The following SETX variants were observed in gnomAD, a reference collection of about 807,000 sequenced individuals.
SETX encodes the protein helicase senataxin.
In SETX, 90 loss-of-function variants were observed where a neutral mutation model predicts 227.2. That is an observed-to-expected ratio of 0.40 (90% CI 0.33 to 0.47). The LOEUF is 0.47. Among genes scored for constraint, SETX ranks in the 20% least tolerant of loss-of-function variants. SETX has a pLI of 0.91. For missense variants in SETX, 3,052 were observed against 3,181.5 expected, an observed-to-expected ratio of 0.96 and a Z score of 0.98; for synonymous variants, 1,210 against 1,113.2, an observed-to-expected ratio of 1.09 and a Z score of -1.73.
At position 132,328,166 on chromosome 9, in the gene SETX, T is replaced by G. The variant is rs560375167; in HGVS notation, c.3432A>C (p.Pro1144=). The G allele has an allele frequency of 2.1e-5, 34 of 1,614,104 alleles. No homozygotes were observed. The highest frequency in any genetic ancestry group is 2.8e-5 in the Non-Finnish European group (33 of 1,180,048). The change falls in exon 10 of 26, where the codon CCA becomes CCC. Residue 1144 remains proline, a synonymous_variant. Transcript: ENST00000224140. ...GAEGIEEHTR[P]RSISVEEFCE... ...AAAATTCTTCAACAGAAATACTCCG[T>G]GGTCTTGTGTGTTCTTCAATGCCCT...
In SETX at chr9:132,296,033, A is replaced by G. The variant is rs1564501306; in HGVS notation, c.5950-5T>C. The G allele has an allele frequency of 6.2e-7, 1 of 1,614,166 alleles. No individual in the cohort carries two copies. Among genetic ancestry groups the G allele is most frequent in the Non-Finnish European group, 8.5e-7 (1 of 1,180,034 alleles). The stretch of plus-strand genomic sequence containing the variant: ...TGAATGCCCCTTCCTCTGGTTCTAC[A>G]ATTTGCCACATATACATACCAAACA... On this transcript the variant is annotated splice_region_variant and splice_polypyrimidine_tract_variant and intron_variant, in intron 14 of 25. Coordinates refer to ENST00000224140, the MANE Select transcript of SETX (RefSeq NM_015046.7).
rs753285108 is a variant in SETX at position 132,327,708 on chromosome 9, T to C, written c.3890A>G (p.Tyr1297Cys). 9.9e-6 allele frequency: 16 copies of C among 1,614,088 alleles called. No individual in the cohort carries two copies. The South Asian group carries it at 1.2e-4, about 12-fold the overall frequency. ...ATCCAAAGACCGCTGGGACAACTCA[T>C]ATGCCTTACGAGGACCCTTTTTCAG... ...LGLKKGPRKA[Y>C]ELSQRSLDYV... The change falls in exon 10 of 26, where the codon TAT (tyrosine) becomes TGT (cysteine). Residue 1297 changes from tyrosine to cysteine, a missense_variant. By Grantham distance (194) the Tyr-to-Cys change is radical. Transcript: ENST00000224140.
chr9:132,330,525 C>G lies in SETX; in HGVS notation c.1099-26G>C, dbSNP rs371376703. The G allele has an allele frequency of 3.4e-5, 54 of 1,593,408 alleles. No individual in the cohort carries two copies. In the Admixed American group the frequency reaches 8.7e-4, roughly 26 times the overall value. ...CTAAAATGAAAGAAATGCTGATGTT[C>G]AGATAAATAAGCACCACTTATGACA... On this transcript the variant is annotated intron_variant, in intron 9 of 25. Coordinates refer to ENST00000224140, the MANE Select transcript of SETX (RefSeq NM_015046.7).
intron 5 of SETX, 109 bp from the exon 6 acceptor site, chr9:132,336,624 A>G: frequency 1.2e-6 from 1 of 821,030 alleles, no homozygotes; most frequent in South Asian, 1.4e-5. Context: ...GACATGTGAC[A>G]TATTAATTAA....
intron 10 of SETX, among the ~76,000 whole-genome samples, chr9:132,318,223 T>C (rs1251256123): frequency 6.6e-6 from 1 of 152,242 alleles, no homozygotes; most frequent in Non-Finnish European, 1.5e-5. Flanking sequence ...TTGTTCTTTA[T>C]GGTTTCTCCT....
At position 132,300,681 on chromosome 9, in the gene SETX, G is replaced by T; in HGVS notation, c.5497C>A (p.Leu1833Ile). Residue 1833 changes from leucine (L) to isoleucine (I), a missense_variant, in exon 12 of 26, where the codon CTC becomes ATC. By Grantham distance (5) the Leu-to-Ile change is conservative. Coordinates refer to ENST00000224140, the MANE Select transcript of SETX (RefSeq NM_015046.7). Reference protein sequence around the residue: ...KDTERNDIQDLHEYHSGYVHK... With the variant: ...KDTERNDIQDIHEYHSGYVHK... ...ACATAACCAGAATGATATTCGTGGA[G>T]ATCTTGTATGTCATTTCTCTCTGTA... The T allele has an allele frequency of 6.2e-7, 1 of 1,613,750 alleles. No individual in the cohort carries two copies. Among genetic ancestry groups the T allele is most frequent in the South Asian group, 1.1e-5 (1 of 91,080 alleles).
At position 132,331,443 on chromosome 9, in the gene SETX, T is replaced by C. The variant is rs1328903181; in HGVS notation, c.844A>G (p.Ser282Gly). 2 of 1,613,768 alleles carry C rather than the reference T, an allele frequency of 1.2e-6. No individual in the cohort carries two copies. Among genetic ancestry groups the C allele is most frequent in the Non-Finnish European group, 1.7e-6 (2 of 1,179,924 alleles). ...AACGCTGGCCAGAAAGGATCCACAC[T>C]ATCATCTGAAATACAATGGCACAAT... is the stretch of plus-strand genomic sequence containing the variant. The part of the protein sequence containing the change: ...HTMEREADDD[S>G]VDPFWPALHC... The change falls in exon 8 of 26, where the codon AGT (serine) becomes GGT (glycine). Residue 282 changes from serine to glycine, a missense_variant. Physicochemically the swap from Ser to Gly is moderately conservative, Grantham distance 56. Around this residue, in one of 10 missense-constraint regions of SETX, gnomAD observed 239 missense variants for 240.8 expected, o/e 0.99. Transcript: ENST00000224140.
In SETX at chr9:132,271,719, C is replaced by T. The variant is rs2131148064; in HGVS notation, c.7190G>A (p.Gly2397Asp). The T allele has an allele frequency of 6.2e-7, 1 of 1,613,552 alleles. No individual in the cohort carries two copies. The highest frequency in any genetic ancestry group is 1.1e-5 in the South Asian group (1 of 91,066). Residue 2397 changes from glycine (G) to aspartate (D), a missense_variant, in exon 24 of 26, where the codon GGT (glycine) becomes GAT (aspartate). Gly to Asp is a moderately conservative substitution (Grantham distance 94). Around this residue, in one of 10 missense-constraint regions of SETX, gnomAD observed 412 missense variants for 589.0 expected, o/e 0.70. Transcript: ENST00000224140. ...AATGACAGTAACTCACCCAATTGAA[C>T]CTTGGATGCTATTTGCTCTGACACA... The part of the protein sequence containing the change: ...VTCVRANSIQ[G>D]SIGFLASLQR...
chr9:132,268,854 A>C (rs1842767233), intron 25 of SETX, among the ~76,000 whole-genome samples: 1 of 152,244 alleles, frequency 6.6e-6, no homozygotes, highest in Non-Finnish European at 1.5e-5. Context: ...CAGAGCAGGC[A>C]CACAGACGAC....
rs1842908825 is a variant in SETX at position 132,271,662 on chromosome 9, A to G, written c.7199+48T>C. 2.8e-6 allele frequency: 4 copies of G among 1,450,556 alleles called. No individual in the cohort carries two copies. The South Asian group carries it at 3.4e-5, about 12-fold the overall frequency. The allele number at this position is 1,450,556 out of a possible 1,614,324, so 89.9% of individuals were successfully genotyped here. A position where few individuals can be genotyped will look rare whatever the true frequency, so the allele number is the denominator to read the frequency against. ...TGAACCTAATCCTGAACTATAAACA[A>G]GCAACAATGTATACAAGTATAAAAG... On this transcript the variant is annotated intron_variant, in intron 24 of 25. Transcript: ENST00000224140.
At chr9:132,342,867 C>G (rs545195145) in intron 4 of SETX, 68 bp from the exon 5 acceptor site, 16 of 1,145,744 alleles carry the variant, frequency 1.4e-5, no homozygotes, top group Non-Finnish European at 2.1e-5. Context: ...AAATTAGGCT[C>G]CTTGGGCTAT....
chr9:132,302,136 T>A (rs1015063812), intron 11 of SETX, among the ~76,000 whole-genome samples: 3 of 151,768 alleles, frequency 2.0e-5, no homozygotes, highest in Non-Finnish European at 4.4e-5. Context: ...GGCAGGTGGA[T>A]CATGAGGTCA....
intron 24 of SETX, 43 bp downstream of exon 24, chr9:132,271,667 C>A: frequency 2.0e-6 from 3 of 1,463,904 alleles, no homozygotes; most frequent in Non-Finnish European, 2.9e-6. Context: ...AAACAAGCAA[C>A]AATGTATACA....
At chr9:132,354,211 T>A (rs796137446) in intron 1 of SETX, among the ~76,000 whole-genome samples, 4 of 152,150 alleles carry the variant, frequency 2.6e-5, no homozygotes, top group African/African-American at 9.6e-5. Context: ...CTCCAGCCCC[T>A]CCAAGTGGGA....
chr9:132,342,887 A>T, intron 4 of SETX, 88 bp from the exon 5 acceptor site: 1 of 996,640 alleles, frequency 1.0e-6, no homozygotes, highest in Non-Finnish European at 1.5e-6. Flanking sequence ...TTCTGTAAAT[A>T]AATAAAAATT....
chr9:132,277,259 T>C, intron 21 of SETX, 107 bp from the exon 22 acceptor site: 1 of 873,662 alleles, frequency 1.1e-6, no homozygotes, highest in Non-Finnish European at 1.9e-6. Flanking sequence ...CTGGGGCAAG[T>C]AAGGGGATAG....
In SETX at chr9:132,329,394, C is replaced by G. The variant is rs759020617; in HGVS notation, c.2204G>C (p.Gly735Ala). The change falls in exon 10 of 26, where the codon GGA (glycine) becomes GCA (alanine). Residue 735 changes from glycine to alanine, a missense_variant. Around this residue, in one of 10 missense-constraint regions of SETX, gnomAD observed 1,483 missense variants for 1,312.0 expected, o/e 1.13. Coordinates refer to ENST00000224140, the MANE Select transcript of SETX (RefSeq NM_015046.7). ...DCTSRNGPERGCDRGIIVSTR... is the reference protein window; with the variant it reads ...DCTSRNGPERACDRGIIVSTR... ...TGATACTATTATTCCTCTGTCACATCCCCTTTCTGGACCATTTCTTGAAGT... is the reference window on the plus strand; with the variant it reads ...TGATACTATTATTCCTCTGTCACATGCCCTTTCTGGACCATTTCTTGAAGT... 1 of 1,613,744 alleles carries G rather than the reference C, an allele frequency of 6.2e-7. No individual in the cohort carries two copies. Among genetic ancestry groups the G allele is most frequent in the African/African-American group, 1.3e-5 (1 of 74,908 alleles).
At position 132,297,847 on chromosome 9, in the gene SETX, C is replaced by T. The variant is rs945307582; in HGVS notation, c.5781+233G>A. 3.3e-5 allele frequency among the ~76,000 whole-genome samples: 5 copies of T among 152,170 alleles called. 1 individual carries two copies. Among genetic ancestry groups the T allele is most frequent in the Admixed American group, 2.6e-4 (4 of 15,266 alleles). On this transcript the variant is annotated intron_variant, in intron 13 of 25. Coordinates refer to ENST00000224140, the MANE Select transcript of SETX (RefSeq NM_015046.7). ...CACATTAAGTAGGCTGCTGACCTAA[C>T]ATTTTAATGTTGCTCTTCCAGCAAC...
Position 132,329,422 on chromosome 9 carries a change from A to G in SETX, c.2176T>C (p.Cys726Arg), listed in dbSNP as rs377734748. Residue 726 changes from cysteine to arginine, a missense_variant, in exon 10 of 26, where the codon TGT (cysteine) becomes CGT (arginine). Around this residue, in one of 10 missense-constraint regions of SETX, gnomAD observed 1,483 missense variants for 1,312.0 expected, o/e 1.13. Coordinates refer to ENST00000224140, the MANE Select transcript of SETX (RefSeq NM_015046.7). ...CTTTCTGGACCATTTCTTGAAGTAC[A>G]GTCCTTTGGTGTATATGAAGAGATC... ...KEISSYTPKD[C>R]TSRNGPERGC... The G allele has an allele frequency of 6.0e-5, 97 of 1,613,614 alleles. No homozygotes were observed. The highest frequency in any genetic ancestry group is 8.0e-5 in the Non-Finnish European group (94 of 1,179,968).
Sources: gnomAD v4.1 joint callset for allele counts (sites outside exome capture counted in the v4.1 genomes callset) on GRCh38, gnomAD v4.1.1 for gene constraint, gnomAD v4.1.1 regional missense constraint, MANE v1.5 for transcripts, NCBI Gene and HGNC (gene_info 2026-07-23, HGNC 2026-07-21) for gene names.